The following HGD variants were observed in gnomAD, a reference collection of about 807,000 sequenced individuals.
HGD encodes the protein homogentisate oxidase.
A neutral mutation model predicts 60.8 loss-of-function variants in HGD; 61 were observed. That is an observed-to-expected ratio of 1.00 (90% CI 0.82 to 1.24). HGD has a LOEUF of 1.24. Ranked by LOEUF, HGD falls within the 50% of genes most tolerant of loss-of-function variation. The probability of loss-of-function intolerance (pLI) is 0.00; values close to 1 mark genes in which losing one functional copy is unlikely to be tolerated. For synonymous variants in HGD, 212 were observed against 187.7 expected (o/e 1.13, Z -1.06); for missense variants, 542 against 547.1 (o/e 0.99, Z 0.09).
intron 8 of HGD, 27 bp downstream of exon 8, chr3:120,646,946 G>C: frequency 6.4e-7 from 1 of 1,563,832 alleles, no homozygotes; most frequent in East Asian, 2.2e-5. Context: ...GTGAGAGGCA[G>C]GGAAGAGAAG....
In HGD at chr3:120,679,651, T is replaced by A. The variant is rs1252026514; in HGVS notation, c.15+2446A>T. Among the ~76,000 whole-genome samples the A allele has an allele frequency of 2.0e-5, 3 of 152,312 alleles. No individual in the cohort carries two copies. The East Asian group carries it at 5.8e-4, about 29-fold the overall frequency. On this transcript the variant is annotated intron_variant, in intron 1 of 13. Transcript: ENST00000283871. ...TATAAGAGGGAGGCAAAGGGAGATT[T>A]GACTTATAAGAGGAGAAAATGTGAC...
chr3:120,675,038 C>T, intron 2 of HGD, 49 bp from the exon 3 acceptor site: 1 of 1,267,270 alleles, frequency 7.9e-7, no homozygotes, highest in Non-Finnish European at 1.2e-6. Flanking sequence ...CGAAAAGCAT[C>T]CCACCTTCCC....
chr3:120,677,820 C>G (rs904945095), intron 1 of HGD: 1 of 152,176 alleles, frequency 6.6e-6, no homozygotes, highest in African/African-American at 2.4e-5. Context: ...CCCGGATGCC[C>G]GGCTTTAAAA....
chr3:120,636,013 G>A (rs1940761006), intron 12 of HGD, among the ~76,000 whole-genome samples: 1 of 150,860 alleles, frequency 6.6e-6, no homozygotes, highest in Non-Finnish European at 1.5e-5. Flanking sequence ...GCTCATGCCT[G>A]TAATCCCAGC....
At chr3:120,660,807 AAAAAC>A (rs1941639314) in intron 4 of HGD, among the ~76,000 whole-genome samples, 1 of 152,212 alleles carries the variant, frequency 6.6e-6, no homozygotes, top group Non-Finnish European at 1.5e-5. Flanking sequence ...CCTGTACTCA[AAAAAC>A]AAAACAAAAC....
chr3:120,651,863 C>T (rs942414480), intron 5 of HGD, among the ~76,000 whole-genome samples: 1 of 152,224 alleles, frequency 6.6e-6, no homozygotes, highest in Admixed American at 6.5e-5. Context: ...TGACGCCATT[C>T]TAGCCCAAGC....
chr3:120,655,761 T>C (rs1862941), intron 4 of HGD, among the ~76,000 whole-genome samples: 37,671 of 152,158 alleles, frequency 0.25, 4,824 homozygotes, highest in Middle Eastern at 0.35. Flanking sequence ...GAGAGTGCAC[T>C]GAAGACTTGG....
intron 4 of HGD, among the ~76,000 whole-genome samples, chr3:120,666,631 C>A (rs937621136): frequency 6.6e-6 from 1 of 152,074 alleles, no homozygotes; most frequent in Admixed American, 6.6e-5. Context: ...TTCAGGCATG[C>A]ACCACCACAC....
chr3:120,648,821 C>T (rs927070406), intron 6 of HGD, among the ~76,000 whole-genome samples: 9 of 152,334 alleles, frequency 5.9e-5, no homozygotes, highest in African/African-American at 2.2e-4. Flanking sequence ...GCTCAGAATA[C>T]ATCAATTCAA....
Position 120,670,542 on chromosome 3 carries a change from A to C in HGD, c.177-10T>G. 1 of 1,423,988 alleles carries C rather than the reference A, an allele frequency of 7.0e-7. No individual in the cohort carries two copies. The highest frequency in any genetic ancestry group is 9.9e-7 in the Non-Finnish European group (1 of 1,006,692). The allele number at this position is 1,423,988 out of a possible 1,614,324, so 88.2% of individuals were successfully genotyped here. On this transcript the variant is annotated splice_polypyrimidine_tract_variant and intron_variant, in intron 3 of 13. Coordinates refer to ENST00000283871, the MANE Select transcript of HGD (RefSeq NM_000187.4). Reference sequence around the variant, plus strand: ...AATCCTATACAGCCAGCTAGAGGGAAAAACATACAAGATATACAAGCCTTA... The same window carrying C: ...AATCCTATACAGCCAGCTAGAGGGACAAACATACAAGATATACAAGCCTTA...
chr3:120,643,127 A>C (rs1298347872), intron 10 of HGD, among the ~76,000 whole-genome samples: 1 of 151,998 alleles, frequency 6.6e-6, no homozygotes, highest in Non-Finnish European at 1.5e-5. Flanking sequence ...GTATCTAAGG[A>C]TCTGCATTTT....
At chr3:120,633,490 A>C (rs1352437497) in intron 12 of HGD, 162 bp from the exon 13 acceptor site, 2 of 1,530,208 alleles carry the variant, frequency 1.3e-6, no homozygotes, top group African/African-American at 2.7e-5. Context: ...ACAATCATAA[A>C]ACATTCATAT....
intron 12 of HGD, chr3:120,633,576 G>A (rs1940660108): frequency 6.9e-7 from 1 of 1,439,590 alleles, no homozygotes; most frequent in East Asian, 3.2e-5. Context: ...CTCTCTGACA[G>A]GAATCAGGCT....
chr3:120,659,947 G>GT (rs1559794820), intron 4 of HGD, among the ~76,000 whole-genome samples: 2 of 151,522 alleles, frequency 1.3e-5, no homozygotes, highest in East Asian at 1.9e-4. Context: ...AGAGAGTGGG[G>GT]GGTGGTTGCA....
Position 120,633,256 on chromosome 3 carries a change from C to G in HGD, c.1079G>C (p.Gly360Ala). Residue 360 changes from glycine to alanine, a missense_variant, in exon 13 of 14, where the codon GGG (glycine) becomes GCG (alanine). Physicochemically the swap from Gly to Ala is moderately conservative, Grantham distance 60. Around this residue, in one of 2 missense-constraint regions of HGD, gnomAD observed 537 missense variants for 529.1 expected, o/e 1.01. Coordinates refer to ENST00000283871, the MANE Select transcript of HGD (RefSeq NM_000187.4). ...YEAKQGGFLP[G>A]GGSLHSTMTP... ...CATTGTGCTGTGTAGACTCCCTCCC[C>G]CTGGCAGGAACCCACCTTGCTTTGC... 6.2e-7 allele frequency: 1 copy of G among 1,614,010 alleles called. No homozygotes were observed. The highest frequency in any genetic ancestry group is 8.5e-7 in the Non-Finnish European group (1 of 1,179,990).
chr3:120,645,988 T>A (rs1317764160), intron 9 of HGD, among the ~76,000 whole-genome samples: 1 of 152,150 alleles, frequency 6.6e-6, no homozygotes, highest in African/African-American at 2.4e-5. Flanking sequence ...ACTTCTATAT[T>A]CTTTCCTGTA....
intron 4 of HGD, among the ~76,000 whole-genome samples, chr3:120,663,012 C>T (rs1707813848): frequency 1.3e-5 from 2 of 152,090 alleles, no homozygotes; most frequent in African/African-American, 4.8e-5. Flanking sequence ...GGAGAAGATA[C>T]AAGTCAATGA....
At chr3:120,679,345 T>C (rs1708190423) in intron 1 of HGD, among the ~76,000 whole-genome samples, 1 of 152,208 alleles carries the variant, frequency 6.6e-6, no homozygotes, top group African/African-American at 2.4e-5. Flanking sequence ...GAGATGAAAC[T>C]ACTGCTACAT....
At chr3:120,665,607 A>G (rs1337263266) in intron 4 of HGD, among the ~76,000 whole-genome samples, 1 of 152,262 alleles carries the variant, frequency 6.6e-6, no homozygotes, top group African/African-American at 2.4e-5. Flanking sequence ...AAGAGGTTGC[A>G]TTAATTCTTG....
Sources: allele counts gnomAD v4.1 joint callset (sites outside exome capture counted in the v4.1 genomes callset), GRCh38; gene constraint gnomAD v4.1.1; regional missense constraint gnomAD v4.1.1; transcripts MANE v1.5; gene names NCBI Gene and HGNC (gene_info 2026-07-23, HGNC 2026-07-21).